Variants in GSTA1 observed in about 807,000 individuals in gnomAD.
GSTA1 encodes the protein glutathione S-transferase A1.
GSTA1 carries 23 observed loss-of-function variants against 21.5 expected under a neutral mutation model. That is an observed-to-expected ratio of 1.07 (90% CI 0.77 to 1.52). GSTA1 has a LOEUF of 1.52. Ranked by LOEUF, GSTA1 falls within the 40% of genes most tolerant of loss-of-function variation. The pLI is 0.00. For synonymous variants in GSTA1, 125 were observed against 90.0 expected, an observed-to-expected ratio of 1.39 and a Z score of -2.20; for missense variants, 301 against 264.2, an observed-to-expected ratio of 1.14 and a Z score of -0.96.
intron 5 of GSTA1, 75 bp downstream of exon 5, chr6:52,794,050 C>G: frequency 6.3e-7 from 1 of 1,577,104 alleles, no homozygotes; most frequent in Non-Finnish European, 8.7e-7. Flanking sequence ...GATCAGTGAC[C>G]CAGGAATGCC....
chr6:52,799,663 A>T (rs561044858), intron 1 of GSTA1, among the ~76,000 whole-genome samples: 1 of 152,362 alleles, frequency 6.6e-6, no homozygotes, highest in Non-Finnish European at 1.5e-5. Context: ...TCAATATTTT[A>T]TATCTTTAAC....
chr6:52,796,467 ATATATATATATATATATATATATG>A (rs1160410137), intron 3 of GSTA1, among the ~76,000 whole-genome samples, 153 bp from the exon 4 acceptor site: 11 of 7,672 alleles, frequency 1.4e-3, no homozygotes, highest in Admixed American at 4.3e-3. Context: ...ATATATATAT[ATATATATATATATATATATATATG>A]TGTGTGTGTG....
chr6:52,797,040 T>C (rs767924081), intron 3 of GSTA1, among the ~76,000 whole-genome samples: 4 of 152,166 alleles, frequency 2.6e-5, no homozygotes, highest in African/African-American at 9.7e-5. Flanking sequence ...GGCAACAAGA[T>C]GCCATTTAAA....
At chr6:52,803,197 G>A (rs747211478) in intron 1 of GSTA1, among the ~76,000 whole-genome samples, 2 of 152,134 alleles carry the variant, frequency 1.3e-5, no homozygotes, top group Non-Finnish European at 2.9e-5. Context: ...ACAGTTTAAA[G>A]GGCAGCAACA....
At chr6:52,792,776 T>A (rs1267097450) in intron 6 of GSTA1, 80 bp downstream of exon 6, 1 of 1,611,608 alleles carries the variant, frequency 6.2e-7, no homozygotes, top group Admixed American at 1.7e-5. Context: ...GGGGCAAAAC[T>A]TGGTCAGTCG....
At chr6:52,803,494 A>T (rs147138436) in intron 1 of GSTA1, among the ~76,000 whole-genome samples, 1,895 of 152,258 alleles carry the variant, frequency 0.012, 44 homozygotes, top group African/African-American at 0.042. Context: ...TTATTCTCAG[A>T]TTGTTTAAAA....
intron 6 of GSTA1, among the ~76,000 whole-genome samples, chr6:52,792,195 T>A (rs1763474979): frequency 6.6e-6 from 1 of 152,184 alleles, no homozygotes; most frequent in South Asian, 2.1e-4. Context: ...GAAGTTTTAA[T>A]CAGTTCAGTC....
Position 52,794,124 on chromosome 6 carries a change from C to T in GSTA1, c.414+1G>A. On this transcript the variant is annotated splice_donor_variant, in intron 5 of 6. Coordinates refer to ENST00000334575, the MANE Select transcript of GSTA1 (RefSeq NM_145740.5). LOFTEE classifies it high-confidence loss of function. The stretch of plus-strand genomic sequence containing the variant: ...CCAAAACACTGAACTGCTTCACTTA[C>T]TTTTTCAAAGGCAGGGAAGTAGCGA... The T allele has an allele frequency of 6.2e-7, 1 of 1,613,670 alleles. No individual in the cohort carries two copies. The highest frequency in any genetic ancestry group is 8.5e-7 in the Non-Finnish European group (1 of 1,179,662).
chr6:52,792,045 A>G, intron 6 of GSTA1, 65 bp from the exon 7 acceptor site: 2 of 1,601,056 alleles, frequency 1.2e-6, no homozygotes, highest in Non-Finnish European at 1.7e-6. Context: ...AACATGACCC[A>G]GGGAATCTGA....
chr6:52,791,396 C>T lies in GSTA1; in HGVS notation c.*462G>A, dbSNP rs1029331207. Among the ~76,000 whole-genome samples the T allele has an allele frequency of 2.0e-5, 3 of 152,174 alleles. No individual in the cohort carries two copies. The highest frequency in any genetic ancestry group is 2.1e-4 in the South Asian group (1 of 4,832). On this transcript the variant is annotated 3_prime_UTR_variant, in exon 7 of 7. Transcript: ENST00000334575. The stretch of plus-strand genomic sequence containing the variant: ...TTTTGCAAATGCATAAGAAAGAACG[C>T]TTTTATCAGAAATAAAATGACTGTC...
rs753329424 is a variant in GSTA1, at chr6:52,797,615, G to A, written c.110C>T (p.Ser37Phe). 1 of 1,607,716 alleles carries A rather than the reference G, an allele frequency of 6.2e-7. No homozygotes were observed. Among genetic ancestry groups the A allele is most frequent in the South Asian group, 1.1e-5 (1 of 90,954 alleles). Reference sequence around the variant, plus strand: ...TCTTAACTTGTCCAAATCTTCTGCAGATTTTATAAATTTCTCTTCAAACTG... The same window carrying A: ...TCTTAACTTGTCCAAATCTTCTGCAAATTTTATAAATTTCTCTTCAAACTG... ...GVEFEEKFIK[S>F]AEDLDKLRND... The change falls in exon 3 of 7, where the codon TCT becomes TTT. Residue 37 changes from serine (S) to phenylalanine (F), a missense_variant. Coordinates refer to ENST00000334575, the MANE Select transcript of GSTA1 (RefSeq NM_145740.5).
At chr6:52,798,939 C>T (rs1257894981) in intron 2 of GSTA1, among the ~76,000 whole-genome samples, 1 of 152,150 alleles carries the variant, frequency 6.6e-6, no homozygotes, top group Admixed American at 6.5e-5. Flanking sequence ...TGTTTAAATT[C>T]TAATCCACTT....
intron 5 of GSTA1, 30 bp from the exon 6 acceptor site, chr6:52,793,017 C>T (rs780876573): frequency 1.2e-6 from 2 of 1,613,848 alleles, no homozygotes; most frequent in Non-Finnish European, 1.7e-6. Context: ...AGATCAGGAA[C>T]ACATGCACAC....
At chr6:52,797,223 T>C (rs1195190007) in intron 3 of GSTA1, among the ~76,000 whole-genome samples, 1 of 152,160 alleles carries the variant, frequency 6.6e-6, no homozygotes, top group African/African-American at 2.4e-5. Context: ...GCCACATCTA[T>C]TCCTCCTCCT....
intron 5 of GSTA1, 50 bp from the exon 6 acceptor site, chr6:52,793,037 G>T: frequency 6.2e-7 from 1 of 1,612,936 alleles, no homozygotes. Flanking sequence ...CCCAGGCTAG[G>T]ACCCCTGCTT....
chr6:52,802,485 T>C (rs1438229954), intron 1 of GSTA1, among the ~76,000 whole-genome samples: 1 of 152,214 alleles, frequency 6.6e-6, no homozygotes, highest in Non-Finnish European at 1.5e-5. Flanking sequence ...AAAAAATTCA[T>C]AGTAGGAACA....
Position 52,794,176 on chromosome 6 carries a change from A to T in GSTA1, c.363T>A (p.Leu121=). Residue 121 remains leucine (L), a synonymous_variant, in exon 5 of 7, where the codon CTT becomes CTA. Transcript: ENST00000334575. The part of the protein sequence containing the change: ...VCPPEEKDAK[L]ALIKEKIKNR... ...TTTTTATTTTCTCTTTGATCAAGGC[A>T]AGCTTGGCATCTTTTTCCTCAGGTG... 1 of 1,614,126 alleles carries T rather than the reference A, an allele frequency of 6.2e-7. No homozygotes were observed. The highest frequency in any genetic ancestry group is 8.5e-7 in the Non-Finnish European group (1 of 1,179,962).
chr6:52,803,217 T>G (rs567256606), intron 1 of GSTA1, among the ~76,000 whole-genome samples: 6 of 152,290 alleles, frequency 3.9e-5, no homozygotes, highest in African/African-American at 1.4e-4. Flanking sequence ...AGTCGGAGCC[T>G]CTTTCTTAGC....
At chr6:52,792,469 A>T (rs1302775988) in intron 6 of GSTA1, among the ~76,000 whole-genome samples, 1 of 152,142 alleles carries the variant, frequency 6.6e-6, no homozygotes, top group Non-Finnish European at 1.5e-5. Flanking sequence ...AGACAGCAGG[A>T]GCCGGAGCCC....
Sources: gnomAD v4.1 joint callset for allele counts (sites outside exome capture counted in the v4.1 genomes callset) on GRCh38, gnomAD v4.1.1 for gene constraint, MANE v1.5 for transcripts, NCBI Gene and HGNC (gene_info 2026-07-23, HGNC 2026-07-21) for gene names.